KHDRBS2: variants seen among roughly 807,000 people sequenced by gnomAD.
The protein encoded by KHDRBS2 is KH domain-containing, RNA-binding, signal transduction-associated protein 2.
KHDRBS2 carries 26 observed loss-of-function variants against 44.3 expected under a neutral mutation model. The observed-to-expected ratio is 0.59, with a 90% CI of 0.43 to 0.81. KHDRBS2 has a LOEUF of 0.81. KHDRBS2 is among the 40% of genes least tolerant of loss of function. The pLI is 0.00. For synonymous variants in KHDRBS2, 194 were observed against 151.1 expected (o/e 1.28, Z -2.08); for missense variants, 476 against 433.1 (o/e 1.10, Z -0.88).
Position 62,050,664 on chromosome 6 carries a change from G to A in KHDRBS2, c.220-2670C>T, listed in dbSNP as rs189867507. ...AAAACTCATGGTAAATGCTGATGAA[G>A]ATGTGTAATTACTACTGCAATTGCT... is the stretch of plus-strand genomic sequence containing the variant. On this transcript the variant is annotated intron_variant, in intron 2 of 8. Transcript: ENST00000281156. Among the ~76,000 whole-genome samples, 230 of 152,050 alleles carry A rather than the reference G, an allele frequency of 1.5e-3. 2 individuals carry two copies. Among genetic ancestry groups the A allele is most frequent in the African/African-American group, 5.0e-3 (207 of 41,530 alleles).
At chr6:62,160,147 T>C (rs2150111208) in intron 2 of KHDRBS2, among the ~76,000 whole-genome samples, 1 of 152,214 alleles carries the variant, frequency 6.6e-6, no homozygotes, top group East Asian at 1.9e-4. Flanking sequence ...GAGACCATAA[T>C]ATAACAAACA....
At chr6:61,861,249 T>C (rs1796919210) in intron 6 of KHDRBS2, among the ~76,000 whole-genome samples, 1 of 152,204 alleles carries the variant, frequency 6.6e-6, no homozygotes, top group Admixed American at 6.6e-5. Context: ...TTTGCTTTTG[T>C]TGCAGTTGCT....
the KHDRBS2 span, among the ~76,000 whole-genome samples, chr6:61,660,627 C>A: frequency 6.6e-6 from 1 of 151,714 alleles, no homozygotes; most frequent in African/African-American, 2.4e-5. Flanking sequence ...CCTTTTGTTT[C>A]AGAACAAATT....
chr6:62,073,530 C>CTTTTTTTTTTTTTTTTTTTTTTTTTTTT (rs60124030), intron 2 of KHDRBS2, among the ~76,000 whole-genome samples: 1 of 124,414 alleles, frequency 8.0e-6, no homozygotes, highest in African/African-American at 3.0e-5. Flanking sequence ...TTTCTTTTTT[C>CTTTTTTTTTTTTTTTTTTTTTTTTTTTT]TTTTTTTTTT....
At chr6:61,947,309 G>A (rs565043848) in intron 4 of KHDRBS2, among the ~76,000 whole-genome samples, 6 of 152,106 alleles carry the variant, frequency 3.9e-5, no homozygotes, top group Non-Finnish European at 8.8e-5. Flanking sequence ...GACTGCACAA[G>A]ATGATCCAAT....
chr6:61,633,562 T>C, the KHDRBS2 span, among the ~76,000 whole-genome samples: 1 of 152,076 alleles, frequency 6.6e-6, no homozygotes, highest in Admixed American at 6.6e-5. Flanking sequence ...ACAGTAGCAC[T>C]TTTTCTATTT....
intron 2 of KHDRBS2, among the ~76,000 whole-genome samples, chr6:62,155,113 T>C (rs1816068142): frequency 6.6e-6 from 1 of 152,130 alleles, no homozygotes; most frequent in Admixed American, 6.6e-5. Flanking sequence ...GATGGTAGTC[T>C]GGAAGACAGG....
intron 2 of KHDRBS2, among the ~76,000 whole-genome samples, chr6:62,066,657 T>C (rs1793800655): frequency 6.6e-6 from 1 of 151,672 alleles, no homozygotes; most frequent in South Asian, 2.1e-4. Flanking sequence ...ATGCTTATGT[T>C]TGATAAGGAC....
At chr6:61,547,670 A>G in the KHDRBS2 span, among the ~76,000 whole-genome samples, 3 of 152,164 alleles carry the variant, frequency 2.0e-5, no homozygotes, top group Non-Finnish European at 4.4e-5. Context: ...CATGAAAACA[A>G]TGCTGGACCA....
At chr6:62,162,091 T>G (rs1409058339) in intron 2 of KHDRBS2, among the ~76,000 whole-genome samples, 1 of 152,100 alleles carries the variant, frequency 6.6e-6, no homozygotes, top group Non-Finnish European at 1.5e-5. Flanking sequence ...CTCTCAAATC[T>G]GTAGAAAATA....
the KHDRBS2 span, among the ~76,000 whole-genome samples, chr6:61,615,233 C>CAAAAAAAAAAAAAAA: frequency 6.8e-5 from 4 of 58,560 alleles, no homozygotes; most frequent in Non-Finnish European, 9.2e-5. Context: ...ACTCCATCTC[C>CAAAAAAAAAAAAAAA]AAAAAAAAAA....
chr6:61,570,680 A>G, the KHDRBS2 span, among the ~76,000 whole-genome samples: 1 of 152,198 alleles, frequency 6.6e-6, no homozygotes, highest in Admixed American at 6.6e-5. Context: ...AAAGTATCAG[A>G]TAACCTATAG....
intron 2 of KHDRBS2, among the ~76,000 whole-genome samples, chr6:62,061,735 G>A (rs963041600): frequency 1.0e-4 from 15 of 149,778 alleles, no homozygotes; most frequent in African/African-American, 3.7e-4. Flanking sequence ...TGCTAGATTG[G>A]GGAAGTTCTC....
intron 3 of KHDRBS2, among the ~76,000 whole-genome samples, chr6:62,027,386 T>C (rs1783561469): frequency 6.6e-6 from 1 of 152,148 alleles, no homozygotes; most frequent in Non-Finnish European, 1.5e-5. Flanking sequence ...TCCCTGTCCC[T>C]GGTTTCTAGC....
At position 61,890,224 on chromosome 6, in the gene KHDRBS2, GAATA is replaced by G. The variant is rs376500648; in HGVS notation, c.810+4407_810+4410del. On this transcript the variant is annotated intron_variant, in intron 6 of 8. Coordinates refer to ENST00000281156, the MANE Select transcript of KHDRBS2 (RefSeq NM_152688.4). ...ATGGAGGCTCAGTGAGTGACTGATTGAATAAATAAAAGCAAGTGGGTACTTTAAA... is the reference window on the plus strand; with the variant it reads ...ATGGAGGCTCAGTGAGTGACTGATTGAATAAAAGCAAGTGGGTACTTTAAA... Among the ~76,000 whole-genome samples, 347 of 152,188 alleles carry G rather than the reference GAATA, an allele frequency of 2.3e-3. 2 individuals are homozygous for G. Among genetic ancestry groups the G allele is most frequent in the African/African-American group, 8.1e-3 (338 of 41,528 alleles).
intron 6 of KHDRBS2, among the ~76,000 whole-genome samples, chr6:61,807,128 C>G (rs1330265845): frequency 6.6e-6 from 1 of 151,992 alleles, no homozygotes; most frequent in African/African-American, 2.4e-5. Context: ...AGTGAGATAC[C>G]ATCTCACCTA....
intron 6 of KHDRBS2, among the ~76,000 whole-genome samples, chr6:61,749,806 T>C (rs1391407385): frequency 6.6e-6 from 1 of 152,180 alleles, no homozygotes; most frequent in Non-Finnish European, 1.5e-5. Context: ...TGAAAAATAC[T>C]TCTTGACTCT....
At chr6:62,220,874 A>C (rs1830786161) in intron 1 of KHDRBS2, among the ~76,000 whole-genome samples, 1 of 151,958 alleles carries the variant, frequency 6.6e-6, no homozygotes. Flanking sequence ...AATTTAAAGA[A>C]AAAATTTGTT....
chr6:61,824,777 C>G (rs1257427091), intron 6 of KHDRBS2, among the ~76,000 whole-genome samples: 1 of 152,032 alleles, frequency 6.6e-6, no homozygotes, highest in African/African-American at 2.4e-5. Flanking sequence ...ATAATATGGT[C>G]AAATTCAGTT....
Sources: gnomAD v4.1 joint callset for allele counts (sites outside exome capture counted in the v4.1 genomes callset) on GRCh38, gnomAD v4.1.1 for gene constraint, MANE v1.5 for transcripts, NCBI Gene and HGNC (gene_info 2026-07-23, HGNC 2026-07-21) for gene names.